Variants in SEL1L observed in about 807,000 individuals in gnomAD.
SEL1L encodes the protein protein sel-1 homolog 1.
In SEL1L, 52 loss-of-function variants were observed where a neutral mutation model predicts 109.8. The ratio of observed to expected loss-of-function variants is 0.47; its 90% CI spans 0.38 to 0.60. The LOEUF (loss-of-function observed/expected upper bound fraction) is 0.60, where lower values mean the gene tolerates loss of function less well. Ranked by LOEUF, SEL1L falls within the 20% of genes least tolerant of loss-of-function variation. The pLI is 0.00. For synonymous variants in SEL1L, 373 were observed against 339.6 expected (o/e 1.10, Z -1.08); for missense variants, 749 against 962.2 (o/e 0.78, Z 2.93).
At chr14:81,489,720 C>T (rs768379263) in intron 13 of SEL1L, among the ~76,000 whole-genome samples, 1 of 152,142 alleles carries the variant, frequency 6.6e-6, no homozygotes, top group Middle Eastern at 3.4e-3. Flanking sequence ...GTAATAATAG[C>T]ATAATCATGT....
At chr14:81,478,475 A>C (rs530984380) in intron 20 of SEL1L, among the ~76,000 whole-genome samples, 1 of 152,364 alleles carries the variant, frequency 6.6e-6, no homozygotes, top group East Asian at 1.9e-4. Context: ...TATAAGATGA[A>C]GTCCTAGACT....
chr14:81,504,486 A>AT (rs373588323), intron 4 of SEL1L, among the ~76,000 whole-genome samples, 180 bp from the exon 5 acceptor site: 4,990 of 151,356 alleles, frequency 0.033, 253 homozygotes, highest in African/African-American at 0.11. Context: ...ACTTAAAAAA[A>AT]ATATATATAT....
chr14:81,531,610 G>C (rs1285229821), intron 1 of SEL1L, among the ~76,000 whole-genome samples: 2 of 151,866 alleles, frequency 1.3e-5, no homozygotes, highest in South Asian at 2.1e-4. Context: ...CTGGAGTGCA[G>C]TGGCATAATC....
At chr14:81,486,232 T>C in intron 17 of SEL1L, 57 bp downstream of exon 17, 1 of 1,536,810 alleles carries the variant, frequency 6.5e-7, no homozygotes, top group South Asian at 1.2e-5. Flanking sequence ...CATTAAACAG[T>C]TTACTGGTGT....
At chr14:81,513,310 G>A (rs967483783) in intron 3 of SEL1L, among the ~76,000 whole-genome samples, 1 of 152,172 alleles carries the variant, frequency 6.6e-6, no homozygotes, top group African/African-American at 2.4e-5. Context: ...TGAAAGCTTT[G>A]TTCTTTCGCT....
At chr14:81,492,779 G>A (rs1883597419) in intron 11 of SEL1L, among the ~76,000 whole-genome samples, 1 of 152,134 alleles carries the variant, frequency 6.6e-6, no homozygotes. Flanking sequence ...AATTATAGAT[G>A]CAAAGAAATT....
chr14:81,504,798 T>C (rs896449234), intron 4 of SEL1L, among the ~76,000 whole-genome samples: 4 of 152,096 alleles, frequency 2.6e-5, no homozygotes, highest in African/African-American at 9.7e-5. Flanking sequence ...CTTGTGATAG[T>C]AAGTTCTCAC....
Position 81,478,594 on chromosome 14 carries a change from T to C in SEL1L, c.2175+1018A>G, listed in dbSNP as rs939817162. Among the ~76,000 whole-genome samples the C allele has an allele frequency of 1.1e-4, 16 of 152,272 alleles. No individual in the cohort carries two copies. The East Asian group carries it at 2.9e-3, about 28-fold the overall frequency. ...CAGCTTTTAATTAAAGGAACAAAGA[T>C]TGTTTCAATTGGCAGCGGTTACAGC... On this transcript the variant is annotated intron_variant, in intron 20 of 20. Coordinates refer to ENST00000336735, the MANE Select transcript of SEL1L (RefSeq NM_005065.6).
At chr14:81,504,893 C>T (rs1884173248) in intron 4 of SEL1L, among the ~76,000 whole-genome samples, 1 of 152,118 alleles carries the variant, frequency 6.6e-6, no homozygotes, top group Non-Finnish European at 1.5e-5. Flanking sequence ...ACGGCTGCAT[C>T]TCATATGGTA....
In SEL1L at chr14:81,476,918, T is replaced by G; in HGVS notation, c.*54A>C. The G allele has an allele frequency of 6.3e-7, 1 of 1,577,238 alleles. No homozygotes were observed. The highest frequency in any genetic ancestry group is 8.7e-7 in the Non-Finnish European group (1 of 1,151,906). On this transcript the variant is annotated 3_prime_UTR_variant, in exon 21 of 21. Coordinates refer to ENST00000336735, the MANE Select transcript of SEL1L (RefSeq NM_005065.6). Reference sequence around the variant, plus strand: ...AAGGTCCTAAATCAAATGCAAGTGTTCCCAGCAGATAACTTCCTTCGCTGT... The same window carrying G: ...AAGGTCCTAAATCAAATGCAAGTGTGCCCAGCAGATAACTTCCTTCGCTGT...
chr14:81,532,572 C>G (rs1445716349), intron 1 of SEL1L, among the ~76,000 whole-genome samples: 1 of 152,100 alleles, frequency 6.6e-6, no homozygotes, highest in Non-Finnish European at 1.5e-5. Flanking sequence ...AGGGTTGGTG[C>G]TTTTGAAATG....
chr14:81,497,770 T>C, intron 10 of SEL1L, 122 bp downstream of exon 10: 1 of 818,768 alleles, frequency 1.2e-6, no homozygotes, highest in Non-Finnish European at 1.9e-6. Context: ...TTCTAATATG[T>C]AGTTCATAAT....
chr14:81,503,608 C>A (rs1372469776), intron 5 of SEL1L, among the ~76,000 whole-genome samples: 1 of 152,080 alleles, frequency 6.6e-6, no homozygotes, highest in African/African-American at 2.4e-5. Flanking sequence ...ATCCTAATAT[C>A]TTGAAATAGT....
intron 6 of SEL1L, among the ~76,000 whole-genome samples, chr14:81,501,836 T>C (rs1884022036): frequency 6.6e-6 from 1 of 152,048 alleles, no homozygotes; most frequent in South Asian, 2.1e-4. Context: ...TAGCCAAAAA[T>C]ATTTTACTTG....
intron 6 of SEL1L, among the ~76,000 whole-genome samples, chr14:81,500,204 C>G (rs1259183342): frequency 6.6e-6 from 1 of 151,862 alleles, no homozygotes; most frequent in Non-Finnish European, 1.5e-5. Context: ...AGCCACTGTA[C>G]CCGGCCACAA....
chr14:81,532,014 C>T (rs1885346467), intron 1 of SEL1L, among the ~76,000 whole-genome samples: 1 of 152,174 alleles, frequency 6.6e-6, no homozygotes, highest in Admixed American at 6.5e-5. Context: ...GAATACAGTC[C>T]TCTACCTACA....
intron 11 of SEL1L, among the ~76,000 whole-genome samples, chr14:81,494,274 AT>A (rs1375339907): frequency 2.0e-5 from 3 of 152,102 alleles, no homozygotes; most frequent in Non-Finnish European, 4.4e-5. Context: ...GGCCTGTTAC[AT>A]TTACCACCAA....
rs553444953 is a variant in SEL1L at position 81,510,665 on chromosome 14, A to G, written c.341-4424T>C. ...TTAGCTTTGCAAATTTCTCATTTTA[A>G]GAACTTTTACAGTTTACATAGGTGA... On this transcript the variant is annotated intron_variant, in intron 3 of 20. Coordinates refer to ENST00000336735, the MANE Select transcript of SEL1L (RefSeq NM_005065.6). 7.9e-5 allele frequency among the ~76,000 whole-genome samples: 12 copies of G among 152,274 alleles called. No individual in the cohort carries two copies. The East Asian group carries it at 2.3e-3, about 29-fold the overall frequency.
chr14:81,492,377 T>C, intron 12 of SEL1L, 103 bp downstream of exon 12: 1 of 869,240 alleles, frequency 1.2e-6, no homozygotes, highest in South Asian at 1.5e-5. Flanking sequence ...AGAAATCTTA[T>C]TTCCAATTTA....
Sources: allele counts gnomAD v4.1 joint callset (sites outside exome capture counted in the v4.1 genomes callset), GRCh38; gene constraint gnomAD v4.1.1; transcripts MANE v1.5; gene names NCBI Gene and HGNC (gene_info 2026-07-23, HGNC 2026-07-21).